Variants in DNAJC7 observed in about 807,000 individuals in gnomAD.
DNAJC7 encodes the protein dnaJ homolog subfamily C member 7.
In DNAJC7, 18 loss-of-function variants were observed where a neutral mutation model predicts 67.4. The ratio of observed to expected loss-of-function variants is 0.27; its 90% confidence interval spans 0.18 to 0.40. The LOEUF is 0.40. Ranked by LOEUF, DNAJC7 falls within the 10% of genes least tolerant of loss-of-function variation. DNAJC7 has a pLI of 1.00. For missense variants in DNAJC7, 419 were observed against 613.8 expected, an observed-to-expected ratio of 0.68 and a Z score of 3.35; for synonymous variants, 220 against 207.8, an observed-to-expected ratio of 1.06 and a Z score of -0.50.
chr17:41,979,351 A>T (rs1418313421), intron 12 of DNAJC7, among the ~76,000 whole-genome samples: 1 of 149,894 alleles, frequency 6.7e-6, no homozygotes, highest in Non-Finnish European at 1.5e-5. Context: ...AAACATAACA[A>T]CAAAAAAAAA....
intron 1 of DNAJC7, among the ~76,000 whole-genome samples, chr17:42,008,618 G>C (rs2052035960): frequency 6.6e-6 from 1 of 152,090 alleles, no homozygotes; most frequent in South Asian, 2.1e-4. Context: ...CACCGTGTTA[G>C]CCAGGATGGT....
chr17:42,015,732 T>C (rs993452463), intron 1 of DNAJC7: 2 of 150,210 alleles, frequency 1.3e-5, no homozygotes, highest in Non-Finnish European at 3.0e-5. Flanking sequence ...TGGGCACGTG[T>C]AGTCCCAGCA....
chr17:41,986,495 C>T (rs904389514), intron 9 of DNAJC7, among the ~76,000 whole-genome samples: 5 of 151,334 alleles, frequency 3.3e-5, no homozygotes, highest in Non-Finnish European at 7.4e-5. Flanking sequence ...TAGCCACCCC[C>T]TTCCCACTGG....
intron 2 of DNAJC7, among the ~76,000 whole-genome samples, chr17:41,999,365 G>A (rs1448643124): frequency 6.6e-6 from 1 of 152,004 alleles, no homozygotes; most frequent in Non-Finnish European, 1.5e-5. Flanking sequence ...CAGGTGATCC[G>A]CCCGCCTCGG....
intron 1 of DNAJC7, 165 bp downstream of exon 1, chr17:42,017,175 G>A (rs2052325100): frequency 6.5e-7 from 1 of 1,534,344 alleles, no homozygotes; most frequent in Non-Finnish European, 8.7e-7. Flanking sequence ...CGACCCCCAA[G>A]AGCGCCCCTT....
chr17:41,977,587 A>AGCACT, intron 12 of DNAJC7: 1 of 343,186 alleles, frequency 2.9e-6, no homozygotes, highest in African/African-American at 2.1e-5. Flanking sequence ...AGCTTGCTTC[A>AGCACT]TTGGGCTGTT....
chr17:42,005,093 G>A (rs1186206726), intron 1 of DNAJC7, among the ~76,000 whole-genome samples: 2 of 152,124 alleles, frequency 1.3e-5, no homozygotes, highest in South Asian at 2.1e-4. Context: ...ATAAATGTTC[G>A]TTAAAATCTG....
chr17:42,004,851 C>T (rs963983260), intron 1 of DNAJC7, among the ~76,000 whole-genome samples: 40 of 152,138 alleles, frequency 2.6e-4, no homozygotes, highest in African/African-American at 9.7e-4. Flanking sequence ...CACAGGGAGA[C>T]TCTGTCTCTA....
chr17:41,996,761 C>T (rs1050928907), intron 3 of DNAJC7, among the ~76,000 whole-genome samples: 29 of 152,086 alleles, frequency 1.9e-4, no homozygotes, highest in African/African-American at 6.3e-4. Flanking sequence ...CCAGCCTGGG[C>T]GACAGAGCTA....
At chr17:41,995,965 C>T (rs531544060) in intron 4 of DNAJC7, among the ~76,000 whole-genome samples, 2 of 152,300 alleles carry the variant, frequency 1.3e-5, no homozygotes, top group South Asian at 4.1e-4. Context: ...TGGCACCAGG[C>T]CTGGCTAATG....
rs1598108800 is a variant in DNAJC7, at chr17:41,976,461, C to T, written c.*272G>A. On this transcript the variant is annotated 3_prime_UTR_variant, in exon 14 of 14. Transcript: ENST00000457167. The stretch of plus-strand genomic sequence containing the variant: ...AGGAAGGGTCAAAACATTTTATTCT[C>T]TTTTTTTTTTCTTTTTTAATAAAGT... 6.0e-6 allele frequency: 2 copies of T among 335,942 alleles called. No homozygotes were observed. Among genetic ancestry groups the T allele is most frequent in the Non-Finnish European group, 5.4e-6 (1 of 185,332 alleles). The allele number at this position is 335,942 out of a possible 1,614,324, so 20.8% of individuals were successfully genotyped here.
Position 41,983,614 on chromosome 17 carries a change from C to G in DNAJC7, c.1033G>C (p.Glu345Gln), listed in dbSNP as rs374329124. 1.0e-5 allele frequency: 16 copies of G among 1,603,550 alleles called. No homozygotes were observed. The East Asian group carries it at 3.6e-4, about 36-fold the overall frequency. Reference protein sequence around the residue: ...AQCYMDTEQYEEAVRDYEKVY... With the variant: ...AQCYMDTEQYQEAVRDYEKVY... ...TTTTCATAGTCTCGTACTGCTTCTT[C>G]ATACTGTTCTGTGTCCATGTAACTG... Residue 345 changes from glutamate (E) to glutamine (Q), a missense_variant, in exon 10 of 14, where the codon GAA becomes CAA. Glu to Gln is a conservative substitution (Grantham distance 29). Coordinates refer to ENST00000457167, the MANE Select transcript of DNAJC7 (RefSeq NM_003315.4).
At chr17:41,983,799 A>C (rs1228118392) in intron 9 of DNAJC7, among the ~76,000 whole-genome samples, 163 bp from the exon 10 acceptor site, 1 of 152,224 alleles carries the variant, frequency 6.6e-6, no homozygotes, top group African/African-American at 2.4e-5. Flanking sequence ...AAATTAGCTA[A>C]CAAGTCCTCA....
intron 9 of DNAJC7, chr17:41,987,296 G>T (rs576832350): frequency 6.6e-6 from 1 of 152,310 alleles, no homozygotes; most frequent in Non-Finnish European, 1.5e-5. Flanking sequence ...GTTTCAAAAG[G>T]AAGTTCCTTT....
chr17:42,008,433 G>A (rs1320377400), intron 1 of DNAJC7, among the ~76,000 whole-genome samples: 4 of 150,820 alleles, frequency 2.7e-5, no homozygotes, highest in African/African-American at 4.9e-5. Flanking sequence ...TTTTTGAGAC[G>A]GAGTCTCGCT....
intron 1 of DNAJC7, among the ~76,000 whole-genome samples, chr17:42,001,915 T>C (rs1555649541): frequency 1.3e-5 from 2 of 152,194 alleles, no homozygotes; most frequent in Non-Finnish European, 2.9e-5. Flanking sequence ...GAATGACCTA[T>C]AAATGCTGAC....
chr17:41,995,002 C>CA, intron 4 of DNAJC7, 58 bp from the exon 5 acceptor site: 5 of 1,465,472 alleles, frequency 3.4e-6, no homozygotes, highest in Non-Finnish European at 4.8e-6. Context: ...TAAACAACCA[C>CA]AAAAAAATTA....
chr17:41,978,984 CAA>C (rs1434573954), intron 12 of DNAJC7, among the ~76,000 whole-genome samples: 1 of 152,200 alleles, frequency 6.6e-6, no homozygotes, highest in Admixed American at 6.5e-5. Context: ...TTATTAAACA[CAA>C]ATACCCCCAC....
chr17:41,998,561 C>T (rs11652600), intron 2 of DNAJC7, among the ~76,000 whole-genome samples: 111,919 of 152,080 alleles, frequency 0.74, 43,110 homozygotes, highest in East Asian at 0.86. Context: ...AAACAAGGTA[C>T]GGCTTTGAAG....
Sources: gnomAD v4.1 joint callset for allele counts (sites outside exome capture counted in the v4.1 genomes callset) on GRCh38, gnomAD v4.1.1 for gene constraint, MANE v1.5 for transcripts, NCBI Gene and HGNC (gene_info 2026-07-23, HGNC 2026-07-21) for gene names.